The following CD63 variants were observed in gnomAD, a reference collection of about 807,000 sequenced individuals.
The protein encoded by CD63 is CD63 molecule.
CD63 carries 16 observed loss-of-function variants against 29.2 expected under a neutral mutation model. That is an observed-to-expected ratio of 0.55 (90% confidence interval 0.37 to 0.83). The LOEUF (loss-of-function observed/expected upper bound fraction) is 0.83, where lower values mean the gene tolerates loss of function less well. Among genes scored for constraint, CD63 ranks in the 40% least tolerant of loss-of-function variants. The pLI, the probability that CD63 is intolerant of heterozygous loss-of-function variation, is 0.00. For missense variants in CD63, 251 were observed against 297.3 expected (o/e 0.84, Z 1.15); for synonymous variants, 118 against 111.7 (o/e 1.06, Z -0.36).
At chr12:55,723,765 A>G, downstream of CD63, 1 of 1,130,026 alleles carries the variant, frequency 8.8e-7, no homozygotes, top group African/African-American at 1.5e-5. Flanking sequence ...GGCAGTAGGC[A>G]TCTCCGTCAA....
At chr12:55,727,814 C>CCAG (rs1395514212) in intron 2 of CD63, 1 of 1,035,150 alleles carries the variant, frequency 9.7e-7, no homozygotes, top group Admixed American at 5.2e-5. Flanking sequence ...GCCTCTCAAG[C>CCAG]CAGGAGCCCA....
downstream of CD63, chr12:55,724,617 C>T: frequency 1.7e-5 from 22 of 1,326,666 alleles, no homozygotes; most frequent in Non-Finnish European, 2.4e-5. Context: ...CACCCTGGTA[C>T]TGCCTGGTGC....
At chr12:55,726,432 C>T in intron 5 of CD63, 171 bp from the exon 6 acceptor site, 1 of 674,582 alleles carries the variant, frequency 1.5e-6, no homozygotes, top group Non-Finnish European at 2.5e-6. Flanking sequence ...GCAACCTCCG[C>T]CTCCCGGGTT....
chr12:55,729,108 T>C (rs1877740473), upstream of CD63: 1 of 985,114 alleles, frequency 1.0e-6, no homozygotes. Context: ...GCCTCCCTCA[T>C]GTGACGCGGT....
chr12:55,727,261 G>A lies in CD63; in HGVS notation c.145C>T (p.Pro49Ser), dbSNP rs977334983. 20 of 1,613,746 alleles carry A rather than the reference G, an allele frequency of 1.2e-5. No homozygotes were observed. The Admixed American group carries it at 2.0e-4, about 16-fold the overall frequency. The change falls in exon 3 of 8, where the codon CCT (proline) becomes TCT (serine). Residue 49 changes from proline (P) to serine (S), a missense_variant. Transcript: ENST00000257857. ...LSQTIIQGAT[P>S]GSLLPVVIIA... ...ATGACCACTGGCAACAGAGAGCCAG[G>A]GGTAGCCCCCTGGATTATGGTCTGA...
upstream of CD63, chr12:55,729,212 C>G: frequency 1.1e-6 from 1 of 899,332 alleles, no homozygotes. Flanking sequence ...AAGAAGGCGC[C>G]CACCCCCGCA....
chr12:55,727,637 C>G lies in CD63; in HGVS notation c.67-298G>C, dbSNP rs1877560083. The G allele has an allele frequency of 3.5e-6, 4 of 1,139,606 alleles. No homozygotes were observed. In the African/African-American group the frequency reaches 6.4e-5, roughly 18 times the overall value. The allele number at this position is 1,139,606 out of a possible 1,614,324, so 70.6% of individuals were successfully genotyped here. ...CTAGAATAATGCTTTCTACAGGCCT[C>G]CAGGGCTCCCAGCTCAATTCTCTCC... On this transcript the variant is annotated intron_variant, in intron 2 of 7. Transcript: ENST00000257857.
rs1592532943 is a variant in CD63, at chr12:55,727,899, G to T, written c.66+377C>A. 2.7e-6 allele frequency: 3 copies of T among 1,113,386 alleles called. No homozygotes were observed. The East Asian group carries it at 1.9e-4, about 71-fold the overall frequency. The allele number at this position is 1,113,386 out of a possible 1,614,324, so 69.0% of individuals were successfully genotyped here. On this transcript the variant is annotated intron_variant, in intron 2 of 7. Coordinates refer to ENST00000257857, the MANE Select transcript of CD63 (RefSeq NM_001780.6). ...TGGGAGGAGGGAAAGGGGGAGAGGG[G>T]CTGGACAGGGATGAGAGGGTTGGGG...
In CD63 at chr12:55,725,537, G is replaced by A. The variant is rs1372832171; in HGVS notation, c.*24C>T. 2 of 1,584,272 alleles carry A rather than the reference G, an allele frequency of 1.3e-6. No individual in the cohort carries two copies. Among genetic ancestry groups the A allele is most frequent in the South Asian group, 1.1e-5 (1 of 90,504 alleles). ...AGGATACTATTCCACTCCCCCAGATGAGGAGGCTGAGGAGACCAGACCCCT... is the reference window on the plus strand; with the variant it reads ...AGGATACTATTCCACTCCCCCAGATAAGGAGGCTGAGGAGACCAGACCCCT... On this transcript the variant is annotated 3_prime_UTR_variant, in exon 8 of 8. Coordinates refer to ENST00000257857, the MANE Select transcript of CD63 (RefSeq NM_001780.6).
rs1289598071 is a variant in CD63 at position 55,726,971 on chromosome 12, G to A, written c.256-7C>T. On this transcript the variant is annotated splice_polypyrimidine_tract_variant and splice_region_variant and intron_variant, in intron 3 of 7. Transcript: ENST00000257857. ...GAGACAGAAAGATGGCAAACTGCAG[G>A]AGCAAAGGACAGAAGTCAAGTTTGG... The A allele has an allele frequency of 1.9e-6, 3 of 1,613,618 alleles. No homozygotes were observed. Among genetic ancestry groups the A allele is most frequent in the Non-Finnish European group, 2.5e-6 (3 of 1,179,888 alleles).
In CD63 at chr12:55,728,736, G is replaced by T; in HGVS notation, c.-12+217C>A. On this transcript the variant is annotated intron_variant, in intron 1 of 7. Transcript: ENST00000257857. The surrounding 1 kb of genome is among the most constrained non-coding windows in gnomAD (Gnocchi z 4.8). ...ACCCCCGCCCCAGCCCCTTTCCCCT[G>T]GGCTCTGACCTCCCCGCCCACCAAA... The T allele has an allele frequency of 1.0e-6, 1 of 984,000 alleles. No individual in the cohort carries two copies. The allele number at this position is 984,000 out of a possible 1,614,324, so 61.0% of individuals were successfully genotyped here.
chr12:55,729,117 G>A (rs908235181), upstream of CD63: 11 of 985,216 alleles, frequency 1.1e-5, no homozygotes, highest in Non-Finnish European at 3.6e-6. Flanking sequence ...ATGTGACGCG[G>A]TAACAGCTGC....
At chr12:55,727,754 G>T (rs1877576296) in intron 2 of CD63, 1 of 1,032,004 alleles carries the variant, frequency 9.7e-7, no homozygotes, top group Non-Finnish European at 1.2e-6. Flanking sequence ...CAGGAGAAGG[G>T]AAGAGGAAAA....
At chr12:55,726,675 C>T (rs761828258) in intron 5 of CD63, 25 bp downstream of exon 5, 2 of 1,577,190 alleles carry the variant, frequency 1.3e-6, no homozygotes, top group Non-Finnish European at 1.7e-6. Context: ...TTCCCACCAC[C>T]CCTGCTCCCA....
In CD63 at chr12:55,726,775, G is replaced by A. The variant is rs1418869253; in HGVS notation, c.351C>T (p.Asn117=). 6.2e-7 allele frequency: 1 copy of A among 1,612,756 alleles called. No homozygotes were observed. The highest frequency in any genetic ancestry group is 2.2e-5 in the East Asian group (1 of 44,900). Residue 117 remains asparagine, a synonymous_variant, in exon 5 of 8, where the codon AAC becomes AAT. Coordinates refer to ENST00000257857, the MANE Select transcript of CD63 (RefSeq NM_001780.6). The part of the protein sequence containing the change: ...FRDKVMSEFN[N]NFRQQMENYP... Reference sequence around the variant, plus strand: ...AATTCTCCATCTGCTGCCGGAAGTTGTTATTAAACTCTGACATCACCTGAG... The same window carrying A: ...AATTCTCCATCTGCTGCCGGAAGTTATTATTAAACTCTGACATCACCTGAG...
In CD63 at chr12:55,728,455, TC is replaced by T. The variant is rs1234337350; in HGVS notation, c.-11-104del. Reference sequence around the variant, plus strand: ...GAGGGCTTCCCTTCACGGCCCCGATTCCCGGCCCCTCCCACCCGGAAACCCG... The same window carrying T: ...GAGGGCTTCCCTTCACGGCCCCGATTCCGGCCCCTCCCACCCGGAAACCCG... On this transcript the variant is annotated intron_variant, in intron 1 of 7. Coordinates refer to ENST00000257857, the MANE Select transcript of CD63 (RefSeq NM_001780.6). This position sits in a 1 kb window ranked among gnomAD's most constrained non-coding sequence, Gnocchi z 4.8. 4.8e-5 allele frequency: 72 copies of T among 1,509,340 alleles called. No homozygotes were observed. The highest frequency in any genetic ancestry group is 6.0e-5 in the Non-Finnish European group (68 of 1,128,598). 93.5% of individuals were successfully genotyped at this position (1,509,340 alleles called of 1,614,324 possible).
chr12:55,727,484 G>A (rs1320087780), intron 2 of CD63, 145 bp from the exon 3 acceptor site: 5 of 1,191,220 alleles, frequency 4.2e-6, no homozygotes, highest in Non-Finnish European at 5.7e-6. Context: ...TTTGGCTGTG[G>A]GGTAGGGGGA....
intron 2 of CD63, chr12:55,727,662 C>T (rs1231042943): frequency 4.5e-6 from 5 of 1,106,512 alleles, no homozygotes; most frequent in Non-Finnish European, 5.5e-6. Context: ...CAATTCTCTC[C>T]CAGAACTGCC....
At position 55,728,928 on chromosome 12, in the gene CD63, G is replaced by A. The variant is rs1877723576; in HGVS notation, c.-12+25C>T. The A allele has an allele frequency of 3.8e-5, 37 of 985,454 alleles. No individual in the cohort carries two copies. Among genetic ancestry groups the A allele is most frequent in the Admixed American group, 6.1e-5 (1 of 16,266 alleles). 61.0% of individuals were successfully genotyped at this position (985,454 alleles called of 1,614,324 possible). On this transcript the variant is annotated intron_variant, in intron 1 of 7. Coordinates refer to ENST00000257857, the MANE Select transcript of CD63 (RefSeq NM_001780.6). The surrounding 1 kb of genome is among the most constrained non-coding windows in gnomAD (Gnocchi z 4.8). ...GTGGTCTCTCCCAGCCCGCGCCGAA[G>A]TCCGCCGGGTCCCCGCGGCCTCACC...
Sources: gnomAD v4.1 joint callset for allele counts on GRCh38, gnomAD v4.1.1 for gene constraint, Gnocchi (gnomAD v3.1) non-coding constraint, MANE v1.5 for transcripts, NCBI Gene and HGNC (gene_info 2026-07-23, HGNC 2026-07-21) for gene names.